ESRRG: variants seen among roughly 807,000 people sequenced by gnomAD.
ESRRG encodes the protein estrogen related receptor gamma.
Under a neutral mutation model 44.0 loss-of-function variants are expected in ESRRG, and 13 were observed. That is an observed-to-expected ratio of 0.30 (90% CI 0.19 to 0.47). ESRRG has a LOEUF of 0.47. Ranked by LOEUF, ESRRG falls within the 20% of genes least tolerant of loss-of-function variation. The pLI is 1.00. For synonymous variants in ESRRG, 215 were observed against 214.6 expected, an observed-to-expected ratio of 1.00 and a Z score of -0.02; for missense variants, 395 against 580.6, an observed-to-expected ratio of 0.68 and a Z score of 3.29.
At chr1:216,720,515 C>A (rs2152059942) in intron 1 of ESRRG, among the ~76,000 whole-genome samples, 1 of 152,176 alleles carries the variant, frequency 6.6e-6, no homozygotes, top group Non-Finnish European at 1.5e-5. Context: ...GTGACTTGGC[C>A]AAGCTCTTAT....
intron 1 of ESRRG, among the ~76,000 whole-genome samples, chr1:217,068,500 A>C (rs571167673): frequency 6.6e-6 from 1 of 151,942 alleles, no homozygotes; most frequent in African/African-American, 2.4e-5. Context: ...ATGTCAGAAA[A>C]CCAATCTCTA....
At chr1:216,510,979 G>A (rs34359850) in intron 6 of ESRRG, among the ~76,000 whole-genome samples, 5,753 of 152,188 alleles carry the variant, frequency 0.038, 139 homozygotes, top group Non-Finnish European at 0.055. Context: ...GACCATTCTT[G>A]GCAATACTTT....
chr1:216,547,867 A>G lies in ESRRG; in HGVS notation c.862+16352T>C, dbSNP rs908720613. ...CATTATTGATTTGATGAAAAAGCAA[A>G]TTAAACATACCATGGTGGTATGTAA... On this transcript the variant is annotated intron_variant, in intron 5 of 6. Coordinates refer to ENST00000408911, the MANE Select transcript of ESRRG (RefSeq NM_001438.4). 2.6e-5 allele frequency among the ~76,000 whole-genome samples: 4 copies of G among 152,224 alleles called. No homozygotes were observed. In the East Asian group the frequency reaches 7.7e-4, roughly 29 times the overall value.
chr1:216,961,373 C>T (rs1021232551), intron 1 of ESRRG, among the ~76,000 whole-genome samples: 1 of 151,912 alleles, frequency 6.6e-6, no homozygotes, highest in African/African-American at 2.4e-5. Context: ...AAATTACCAA[C>T]CATAAAAAAA....
intron 2 of ESRRG, among the ~76,000 whole-genome samples, chr1:216,900,340 TATTCAGGTTTG>T: frequency 6.6e-6 from 1 of 152,116 alleles, no homozygotes. Context: ...AAACCCTAAA[TATTCAGGTTTG>T]ATTCAGGATG....
intron 2 of ESRRG, among the ~76,000 whole-genome samples, chr1:216,894,184 G>A (rs1190068316): frequency 6.6e-6 from 1 of 151,998 alleles, no homozygotes; most frequent in African/African-American, 2.4e-5. Context: ...CTTGACTGTG[G>A]ATCATCCTGC....
intron 2 of ESRRG, among the ~76,000 whole-genome samples, chr1:216,739,291 T>C (rs965922343): frequency 6.7e-6 from 1 of 149,270 alleles, no homozygotes; most frequent in African/African-American, 2.5e-5. Context: ...TCCCCAGCTG[T>C]GGGAAACAGG....
intron 1 of ESRRG, among the ~76,000 whole-genome samples, chr1:217,060,814 A>AGAT (rs1553266108): frequency 3.3e-5 from 2 of 60,260 alleles, no homozygotes; most frequent in Non-Finnish European, 1.0e-4. Flanking sequence ...ATAGATAGAT[A>AGAT]GATAGATAGA....
At chr1:217,019,404 T>C (rs2079945813) in intron 1 of ESRRG, among the ~76,000 whole-genome samples, 1 of 152,148 alleles carries the variant, frequency 6.6e-6, no homozygotes, top group African/African-American at 2.4e-5. Context: ...TTACTTCATG[T>C]GTTGGTGACA....
At chr1:217,131,775 G>C (rs896959515) in intron 1 of ESRRG, among the ~76,000 whole-genome samples, 1 of 152,228 alleles carries the variant, frequency 6.6e-6, no homozygotes, top group Middle Eastern at 3.4e-3. Context: ...AGTTCAAATT[G>C]GTGAGACCTA....
At chr1:217,134,264 C>T (rs544312810) in intron 1 of ESRRG, among the ~76,000 whole-genome samples, 1 of 152,288 alleles carries the variant, frequency 6.6e-6, no homozygotes, top group East Asian at 1.9e-4. Flanking sequence ...CCGACACAGA[C>T]TGGCGCTGGA....
chr1:216,884,230 G>A (rs2096487965), intron 2 of ESRRG, among the ~76,000 whole-genome samples: 2 of 152,318 alleles, frequency 1.3e-5, no homozygotes, highest in South Asian at 2.1e-4. Context: ...TGAATATATA[G>A]TAAGAACACA....
chr1:217,043,029 C>A (rs549053453), intron 1 of ESRRG, among the ~76,000 whole-genome samples: 61 of 152,274 alleles, frequency 4.0e-4, no homozygotes, highest in Non-Finnish European at 7.5e-4. Flanking sequence ...AATGCATTCT[C>A]ATAAATTCCT....
At chr1:216,805,754 T>G (rs1453451454) in intron 2 of ESRRG, among the ~76,000 whole-genome samples, 1 of 152,182 alleles carries the variant, frequency 6.6e-6, no homozygotes, top group African/African-American at 2.4e-5. Flanking sequence ...AAAAAGGATT[T>G]TTTTTAACCT....
intron 5 of ESRRG, among the ~76,000 whole-genome samples, chr1:216,554,096 A>C (rs2149418309): frequency 6.6e-6 from 1 of 152,136 alleles, no homozygotes; most frequent in African/African-American, 2.4e-5. Flanking sequence ...AAGCAGCAGG[A>C]TTTTAGTGAA....
chr1:216,606,611 CAGAT>C (rs1307774194), intron 3 of ESRRG, among the ~76,000 whole-genome samples: 1 of 152,056 alleles, frequency 6.6e-6, no homozygotes. Context: ...ACCCAATTAT[CAGAT>C]AGTCAGCAAG....
At chr1:216,882,933 T>G (rs1409173462) in intron 2 of ESRRG, among the ~76,000 whole-genome samples, 1 of 150,446 alleles carries the variant, frequency 6.6e-6, no homozygotes, top group African/African-American at 2.4e-5. Flanking sequence ...AATCATTGTC[T>G]GAAAAAAAAA....
Position 217,080,636 on chromosome 1 carries a change from T to C in ESRRG, c.-106+8871A>G, listed in dbSNP as rs188090161. ...TCCACTCCAGTTTCTAGTGTTTTTT[T>C]GTTTGTTTGTTTGTTTGTTTGTTTT... is the stretch of plus-strand genomic sequence containing the variant. On this transcript the variant is annotated intron_variant, in intron 1 of 7. Coordinates refer to the ESRRG transcript ENST00000359162. 6.7e-4 allele frequency among the ~76,000 whole-genome samples: 100 copies of C among 149,728 alleles called. 1 individual carries two copies. In the East Asian group the frequency reaches 0.015, roughly 23 times the overall value.
At chr1:217,071,786 A>C (rs569745356) in intron 1 of ESRRG, among the ~76,000 whole-genome samples, 1 of 152,204 alleles carries the variant, frequency 6.6e-6, no homozygotes, top group Non-Finnish European at 1.5e-5. Context: ...CAATCTGATG[A>C]AGTGGGTATA....
Sources: allele counts gnomAD v4.1 joint callset (sites outside exome capture counted in the v4.1 genomes callset), GRCh38; gene constraint gnomAD v4.1.1; transcripts MANE v1.5; gene names NCBI Gene and HGNC (gene_info 2026-07-23, HGNC 2026-07-21).